ARB2A: variants seen among roughly 807,000 people sequenced by gnomAD.
ARB2A encodes the protein cotranscriptional regulator ARB2A.
At chr5:93,621,415 C>G in the ARB2A span, among the ~76,000 whole-genome samples, 1 of 152,224 alleles carries the variant, frequency 6.6e-6, no homozygotes, top group Non-Finnish European at 1.5e-5. Context: ...GTCTAGGCGT[C>G]TCCGGCCTCA....
At chr5:93,889,207 A>C in the ARB2A span, among the ~76,000 whole-genome samples, 1 of 151,840 alleles carries the variant, frequency 6.6e-6, no homozygotes, top group African/African-American at 2.4e-5. Flanking sequence ...TGGTAAGTTA[A>C]GTTTGTGTTT....
chr5:93,999,106 T>C, the ARB2A span, among the ~76,000 whole-genome samples: 37 of 152,184 alleles, frequency 2.4e-4, no homozygotes, highest in Non-Finnish European at 5.2e-4. Context: ...GTAATTAAAC[T>C]TTATAACATA....
chr5:94,045,991 A>G, the ARB2A span, among the ~76,000 whole-genome samples: 1 of 152,156 alleles, frequency 6.6e-6, no homozygotes, highest in African/African-American at 2.4e-5. Flanking sequence ...AAGGCTTCCT[A>G]AAGGAGGAGA....
the ARB2A span, among the ~76,000 whole-genome samples, chr5:93,711,044 C>T: frequency 2.0e-5 from 3 of 152,068 alleles, no homozygotes; most frequent in African/African-American, 4.8e-5. Flanking sequence ...CTTAAGAAAC[C>T]TTCAATCTGG....
the ARB2A span, among the ~76,000 whole-genome samples, chr5:93,994,136 C>T: frequency 1.3e-5 from 2 of 152,104 alleles, no homozygotes; most frequent in Non-Finnish European, 2.9e-5. Flanking sequence ...AACAGAATTA[C>T]TAAGTGATCC....
chr5:93,726,080 C>G, the ARB2A span, among the ~76,000 whole-genome samples: 3 of 152,036 alleles, frequency 2.0e-5, no homozygotes, highest in South Asian at 6.2e-4. Context: ...GAACATCAGT[C>G]AAGTGATGGA....
At chr5:93,805,548 G>C in the ARB2A span, 3 of 984,916 alleles carry the variant, frequency 3.0e-6, no homozygotes, top group African/African-American at 5.3e-5. Flanking sequence ...AAAACAGCAG[G>C]CATCATACAG....
At chr5:93,818,162 G>A in the ARB2A span, among the ~76,000 whole-genome samples, 1 of 151,578 alleles carries the variant, frequency 6.6e-6, no homozygotes, top group African/African-American at 2.4e-5. Flanking sequence ...CACCCACTAG[G>A]ATAGCTAATA....
At chr5:93,719,265 T>C in the ARB2A span, among the ~76,000 whole-genome samples, 31 of 152,326 alleles carry the variant, frequency 2.0e-4, no homozygotes, top group African/African-American at 7.0e-4. Context: ...TTTGATCTGT[T>C]TGAGCTCCTA....
the ARB2A span, among the ~76,000 whole-genome samples, chr5:94,098,454 A>T: frequency 6.6e-6 from 1 of 152,232 alleles, no homozygotes; most frequent in African/African-American, 2.4e-5. Flanking sequence ...AAGATAGAAC[A>T]TACCAGAATC....
the ARB2A span, among the ~76,000 whole-genome samples, chr5:93,779,243 C>T: frequency 2.0e-5 from 3 of 152,200 alleles, no homozygotes; most frequent in East Asian, 5.8e-4. Context: ...ATAAAATAAA[C>T]ATATGCAAAG....
At chr5:93,892,689 T>C in the ARB2A span, among the ~76,000 whole-genome samples, 6 of 152,142 alleles carry the variant, frequency 3.9e-5, no homozygotes, top group African/African-American at 7.2e-5. Flanking sequence ...TTGAAATAGA[T>C]TGTTACCTCA....
At chr5:93,880,594 TA>T in the ARB2A span, among the ~76,000 whole-genome samples, 1 of 151,758 alleles carries the variant, frequency 6.6e-6, no homozygotes, top group African/African-American at 2.4e-5. Flanking sequence ...CTATTTTTCT[TA>T]ACCCGTAGCA....
At chr5:93,767,500 T>G in the ARB2A span, among the ~76,000 whole-genome samples, 1 of 152,222 alleles carries the variant, frequency 6.6e-6, no homozygotes, top group Admixed American at 6.5e-5. Context: ...GAACTACCAT[T>G]TGATCCAGGA....
chr5:93,906,889 T>G, the ARB2A span, among the ~76,000 whole-genome samples: 1 of 151,532 alleles, frequency 6.6e-6, no homozygotes, highest in African/African-American at 2.4e-5. Context: ...TGCTCTACCT[T>G]GTCTCCCCAA....
the ARB2A span, among the ~76,000 whole-genome samples, chr5:93,703,561 T>C: frequency 6.6e-6 from 1 of 152,220 alleles, no homozygotes; most frequent in African/African-American, 2.4e-5. Flanking sequence ...TAGATATTTA[T>C]GTGAGATCAC....
At chr5:94,054,064 C>T in the ARB2A span, among the ~76,000 whole-genome samples, 16 of 152,140 alleles carry the variant, frequency 1.1e-4, no homozygotes, top group African/African-American at 3.9e-4. Context: ...CGCCATGCCT[C>T]GCTGAGTTTT....
At chr5:93,741,214 TC>T in the ARB2A span, 1 of 1,613,768 alleles carries the variant, frequency 6.2e-7, no homozygotes, top group Admixed American at 1.7e-5. Context: ...CGAGATGTCC[TC>T]TGGCGGCGGC....
At chr5:93,788,452 T>C in the ARB2A span, among the ~76,000 whole-genome samples, 3 of 152,114 alleles carry the variant, frequency 2.0e-5, no homozygotes, top group African/African-American at 4.8e-5. Context: ...CTGCAGACCT[T>C]TTCTGTCCAC....
Sources: gnomAD v4.1 joint callset for allele counts (sites outside exome capture counted in the v4.1 genomes callset) on GRCh38, gnomAD v4.1.1 for gene constraint, MANE v1.5 for transcripts, NCBI Gene and HGNC (gene_info 2026-07-23, HGNC 2026-07-21) for gene names.